The following STAG1 variants were observed in gnomAD, a reference collection of about 807,000 sequenced individuals.
The protein encoded by STAG1 is STAG1 cohesin complex component, also known as cohesin subunit SA-1.
STAG1 carries 26 observed loss-of-function variants against 170.9 expected under a neutral mutation model. That is an observed-to-expected ratio of 0.15 (90% CI 0.11 to 0.21). The LOEUF is 0.21. Ranked by LOEUF, STAG1 falls within the 10% of genes least tolerant of loss-of-function variation. The pLI is 1.00. For missense variants in STAG1, 964 were observed against 1,509.5 expected, an observed-to-expected ratio of 0.64 and a Z score of 5.99; for synonymous variants, 514 against 497.7, an observed-to-expected ratio of 1.03 and a Z score of -0.44.
At position 136,562,178 on chromosome 3, in the gene STAG1, T is replaced by G. The variant is rs367846997; in HGVS notation, c.394+6587A>C. 5.9e-5 allele frequency among the ~76,000 whole-genome samples: 9 copies of G among 152,324 alleles called. No homozygotes were observed. The East Asian group carries it at 1.5e-3, about 26-fold the overall frequency. On this transcript the variant is annotated intron_variant, in intron 5 of 33. Transcript: ENST00000383202. ...TCACGTGTCTCAATAACGTCCTTTA[T>G]GCCAAAAGAAATTCTAAGATCATGC...
At chr3:136,525,042 T>A (rs1241681588) in intron 6 of STAG1, among the ~76,000 whole-genome samples, 1 of 152,186 alleles carries the variant, frequency 6.6e-6, no homozygotes, top group East Asian at 1.9e-4. Flanking sequence ...TCAGGGGTAT[T>A]GATCTAAAGT....
chr3:136,420,729 C>T (rs965197104), intron 20 of STAG1, among the ~76,000 whole-genome samples: 2 of 152,212 alleles, frequency 1.3e-5, no homozygotes, highest in African/African-American at 4.8e-5. Context: ...CCTCAACCTC[C>T]CAAGTGGCTG....
intron 3 of STAG1, among the ~76,000 whole-genome samples, chr3:136,616,230 C>G (rs1939590235): frequency 6.6e-6 from 1 of 150,674 alleles, no homozygotes; most frequent in East Asian, 2.0e-4. Flanking sequence ...GATCGCGCCA[C>G]TGCACTCCAG....
chr3:136,682,332 G>C (rs1473732719), intron 1 of STAG1, among the ~76,000 whole-genome samples: 1 of 151,694 alleles, frequency 6.6e-6, no homozygotes, highest in Non-Finnish European at 1.5e-5. Context: ...GGCTGAAACA[G>C]GAGGTTCACT....
At chr3:136,466,057 A>C (rs1272868596) in intron 12 of STAG1, among the ~76,000 whole-genome samples, 2 of 152,150 alleles carry the variant, frequency 1.3e-5, no homozygotes, top group Non-Finnish European at 2.9e-5. Flanking sequence ...ATGGGGAAAA[A>C]CTGAGCAGAA....
Position 136,521,370 on chromosome 3 carries a change from T to C in STAG1, c.519A>G (p.Lys173=), listed in dbSNP as rs1934661541. The C allele has an allele frequency of 6.2e-7, 1 of 1,613,608 alleles. No individual in the cohort carries two copies. The highest frequency in any genetic ancestry group is 8.5e-7 in the Non-Finnish European group (1 of 1,179,728). ...TAAATTCACAAAAGTTTGAACGAAATTTTTTCCACTGAGGTCCAGGCATGG... is the reference window on the plus strand; with the variant it reads ...TAAATTCACAAAAGTTTGAACGAAACTTTTTCCACTGAGGTCCAGGCATGG... ...PLTMPGPQWK[K]FRSNFCEFIG... Residue 173 remains lysine, a synonymous_variant, in exon 7 of 34, where the codon AAA becomes AAG. Transcript: ENST00000383202.
At chr3:136,380,334 C>T (rs994445792) in intron 22 of STAG1, among the ~76,000 whole-genome samples, 8 of 152,128 alleles carry the variant, frequency 5.3e-5, no homozygotes, top group South Asian at 2.1e-4. Context: ...CTCTGTCTCC[C>T]GGGTTCAAGC....
At chr3:136,408,908 G>C (rs2087554367) in intron 21 of STAG1, among the ~76,000 whole-genome samples, 2 of 152,124 alleles carry the variant, frequency 1.3e-5, no homozygotes. Flanking sequence ...TCTAAGCTCA[G>C]TCATGGAAAT....
intron 15 of STAG1, among the ~76,000 whole-genome samples, chr3:136,436,121 A>G (rs1298560588): frequency 1.3e-5 from 2 of 149,492 alleles, no homozygotes; most frequent in Non-Finnish European, 3.0e-5. Context: ...ACACCCGGCT[A>G]ATTTTTGTAT....
chr3:136,354,770 C>CA (rs1214257475), intron 28 of STAG1, among the ~76,000 whole-genome samples: 1 of 29,102 alleles, frequency 3.4e-5, no homozygotes, highest in Non-Finnish European at 6.4e-5. Context: ...AAAAAAAAAC[C>CA]AAAAAACAAA....
chr3:136,723,652 A>T (rs1225728500), intron 1 of STAG1, among the ~76,000 whole-genome samples: 4 of 118,508 alleles, frequency 3.4e-5, no homozygotes, highest in African/African-American at 3.3e-5. Flanking sequence ...TCCGGGAGGG[A>T]GGTGGGGGGG....
intron 5 of STAG1, among the ~76,000 whole-genome samples, chr3:136,543,765 A>C (rs1936019506): frequency 1.3e-5 from 2 of 152,230 alleles, no homozygotes; most frequent in African/African-American, 4.8e-5. Context: ...AACATTACTT[A>C]GCACATGGGA....
At chr3:136,611,886 C>T (rs950799698) in intron 3 of STAG1, among the ~76,000 whole-genome samples, 2 of 151,260 alleles carry the variant, frequency 1.3e-5, no homozygotes, top group South Asian at 2.1e-4. Context: ...CTCGCTCTGT[C>T]GCCCAGGCTG....
At chr3:136,453,692 A>T (rs2107779516) in intron 13 of STAG1, among the ~76,000 whole-genome samples, 1 of 151,954 alleles carries the variant, frequency 6.6e-6, no homozygotes, top group African/African-American at 2.4e-5. Context: ...GTTCTCATGG[A>T]GCTCTCACTT....
chr3:136,394,220 TAA>T (rs1199705942), intron 22 of STAG1, among the ~76,000 whole-genome samples: 1 of 152,238 alleles, frequency 6.6e-6, no homozygotes, highest in Non-Finnish European at 1.5e-5. Flanking sequence ...CATGAATTTT[TAA>T]AGTTTGCATG....
rs138774434 is a variant in STAG1 at position 136,554,205 on chromosome 3, A to G, written c.395-12010T>C. On this transcript the variant is annotated intron_variant, in intron 5 of 33. Transcript: ENST00000383202. ...TGGATGTCTGTATACATCTAATAACATATCAGGGAGTGGAGAGAGAGACAG... is the reference window on the plus strand; with the variant it reads ...TGGATGTCTGTATACATCTAATAACGTATCAGGGAGTGGAGAGAGAGACAG... 7.4e-3 allele frequency among the ~76,000 whole-genome samples: 1,131 copies of G among 152,298 alleles called. 17 individuals carry two copies. Among genetic ancestry groups the G allele is most frequent in the African/African-American group, 0.026 (1,078 of 41,556 alleles).
At chr3:136,435,433 T>C (rs1304897699) in intron 15 of STAG1, among the ~76,000 whole-genome samples, 2 of 152,182 alleles carry the variant, frequency 1.3e-5, no homozygotes, top group African/African-American at 2.4e-5. Context: ...TACGCTATAC[T>C]GTCTTTTCAG....
Position 136,465,006 on chromosome 3 carries a change from T to A in STAG1, c.1206-18A>T. On this transcript the variant is annotated intron_variant, in intron 12 of 33. Coordinates refer to ENST00000383202, the MANE Select transcript of STAG1 (RefSeq NM_005862.3). ...CACTTCCACTGAAAAATACAGAAAG[T>A]AACATCTGATCTAAAGCAAATGTTT... The A allele has an allele frequency of 6.4e-7, 1 of 1,563,600 alleles. No individual in the cohort carries two copies. The highest frequency in any genetic ancestry group is 8.7e-7 in the Non-Finnish European group (1 of 1,143,072).
intron 4 of STAG1, among the ~76,000 whole-genome samples, chr3:136,601,253 T>A (rs1938663266): frequency 6.6e-6 from 1 of 152,122 alleles, no homozygotes; most frequent in East Asian, 1.9e-4. Flanking sequence ...TAGGAAGTAC[T>A]GCCAAAATAA....
Sources: gnomAD v4.1 joint callset for allele counts (sites outside exome capture counted in the v4.1 genomes callset) on GRCh38, gnomAD v4.1.1 for gene constraint, MANE v1.5 for transcripts, NCBI Gene and HGNC (gene_info 2026-07-23, HGNC 2026-07-21) for gene names.